The following APBB1IP variants were observed in gnomAD, a reference collection of about 807,000 sequenced individuals.
The protein encoded by APBB1IP is amyloid beta precursor protein binding family B member 1 interacting protein.
In APBB1IP, 27 loss-of-function variants were observed where a neutral mutation model predicts 64.9. That is an observed-to-expected ratio of 0.42 (90% confidence interval 0.31 to 0.57). The LOEUF is 0.57. Ranked by LOEUF, APBB1IP falls within the 20% of genes least tolerant of loss-of-function variation. The pLI is 0.20. For missense variants in APBB1IP, 812 were observed against 845.5 expected (o/e 0.96, Z 0.49); for synonymous variants, 392 against 331.0 (o/e 1.18, Z -2.00).
chr10:26,564,528 C>T (rs1330922711), intron 14 of APBB1IP, among the ~76,000 whole-genome samples: 4 of 152,150 alleles, frequency 2.6e-5, no homozygotes, highest in South Asian at 2.1e-4. Flanking sequence ...ACTGTCCAGA[C>T]ATAGTGGCTC....
chr10:26,458,369 C>CCAAG (rs1835551826), intron 2 of APBB1IP, among the ~76,000 whole-genome samples: 1 of 150,200 alleles, frequency 6.7e-6, no homozygotes, highest in East Asian at 2.0e-4. Context: ...GCCTGGGTGA[C>CCAAG]CAAGCAAGAC....
At chr10:26,465,908 A>G (rs1334018097) in intron 2 of APBB1IP, among the ~76,000 whole-genome samples, 1 of 152,246 alleles carries the variant, frequency 6.6e-6, no homozygotes, top group Non-Finnish European at 1.5e-5. Context: ...TACACTTATC[A>G]ATTTCTGCTC....
chr10:26,503,318 A>G (rs757074279), intron 6 of APBB1IP, 44 bp downstream of exon 6: 3 of 1,593,140 alleles, frequency 1.9e-6, no homozygotes, highest in South Asian at 1.1e-5. Context: ...TCAATTAAGG[A>G]CCTGTGATTA....
chr10:26,556,914 C>T (rs1836901259), intron 11 of APBB1IP, among the ~76,000 whole-genome samples: 1 of 152,110 alleles, frequency 6.6e-6, no homozygotes. Context: ...GGTCAGAGAG[C>T]CGTGTTTCTG....
chr10:26,552,021 A>G (rs368690785), intron 11 of APBB1IP, among the ~76,000 whole-genome samples: 2 of 152,202 alleles, frequency 1.3e-5, no homozygotes, highest in Non-Finnish European at 2.9e-5. Context: ...GGTTCAGGGC[A>G]GGCACAGTGG....
At chr10:26,492,020 C>T (rs538397527) in intron 2 of APBB1IP, among the ~76,000 whole-genome samples, 256 of 152,216 alleles carry the variant, frequency 1.7e-3, no homozygotes, top group Non-Finnish European at 2.5e-3. Context: ...TCTCGGCTTC[C>T]CCTAGTGCTG....
intron 8 of APBB1IP, among the ~76,000 whole-genome samples, chr10:26,516,656 T>A (rs1836335020): frequency 6.6e-6 from 1 of 151,398 alleles, no homozygotes; most frequent in Non-Finnish European, 1.5e-5. Flanking sequence ...AGTGAATGGC[T>A]GTATTCCTCT....
intron 6 of APBB1IP, among the ~76,000 whole-genome samples, chr10:26,508,955 G>T (rs945920218): frequency 1.3e-5 from 2 of 152,176 alleles, no homozygotes; most frequent in Non-Finnish European, 2.9e-5. Flanking sequence ...GCAGGATTGA[G>T]ATGTAGTCAA....
chr10:26,553,310 G>A (rs1454963376), intron 11 of APBB1IP, among the ~76,000 whole-genome samples: 14 of 151,870 alleles, frequency 9.2e-5, no homozygotes, highest in Admixed American at 5.9e-4. Context: ...GTGAGCCACC[G>A]CACCCGGCCT....
chr10:26,448,679 A>T (rs568239178), intron 2 of APBB1IP, among the ~76,000 whole-genome samples: 2 of 152,326 alleles, frequency 1.3e-5, no homozygotes, highest in African/African-American at 2.4e-5. Context: ...TACACCCAGA[A>T]TGCATTATTT....
intron 2 of APBB1IP, among the ~76,000 whole-genome samples, chr10:26,472,593 A>G (rs1227700234): frequency 2.0e-5 from 3 of 151,904 alleles, no homozygotes; most frequent in African/African-American, 7.2e-5. Context: ...TCATTCATTC[A>G]TTCATTCACA....
chr10:26,515,656 TGCTATTGTATAACTAAGAGAAGGAATA>T (rs1308554468), intron 8 of APBB1IP, among the ~76,000 whole-genome samples: 1 of 152,226 alleles, frequency 6.6e-6, no homozygotes, highest in East Asian at 1.9e-4. Flanking sequence ...AACATGGCTA[TGCTATTGTATAACTAAGAGAAGGAATA>T]GCTATTGTAT....
intron 2 of APBB1IP, among the ~76,000 whole-genome samples, chr10:26,476,446 C>CAAAAAAAAAAAAAA (rs58548133): frequency 7.7e-5 from 6 of 78,258 alleles, no homozygotes; most frequent in African/African-American, 2.7e-4. Flanking sequence ...GACCCTGTCT[C>CAAAAAAAAAAAAAA]AAAAAAAAAA....
chr10:26,549,125 A>G (rs898268474), intron 11 of APBB1IP, among the ~76,000 whole-genome samples: 2 of 152,204 alleles, frequency 1.3e-5, no homozygotes, highest in Admixed American at 1.3e-4. Flanking sequence ...GATGTGTCAC[A>G]TTTATTGATT....
At chr10:26,447,796 T>A (rs1468411016) in intron 2 of APBB1IP, among the ~76,000 whole-genome samples, 2 of 152,164 alleles carry the variant, frequency 1.3e-5, no homozygotes, top group African/African-American at 4.8e-5. Flanking sequence ...TCACAGCCAC[T>A]CCCATCCCAT....
chr10:26,449,016 G>T (rs10829001), intron 2 of APBB1IP, among the ~76,000 whole-genome samples: 58,683 of 151,674 alleles, frequency 0.39, 11,478 homozygotes, highest in South Asian at 0.5. Flanking sequence ...CTGTCTTTCA[G>T]GGGAGGGCAG....
At chr10:26,486,844 G>GA (rs1835898522) in intron 2 of APBB1IP, among the ~76,000 whole-genome samples, 1 of 152,156 alleles carries the variant, frequency 6.6e-6, no homozygotes, top group Non-Finnish European at 1.5e-5. Context: ...CTGAAGCCTA[G>GA]AAATATTAAG....
At chr10:26,481,090 A>G (rs574788614) in intron 2 of APBB1IP, among the ~76,000 whole-genome samples, 1 of 152,294 alleles carries the variant, frequency 6.6e-6, no homozygotes, top group Non-Finnish European at 1.5e-5. Context: ...GGAACTTAAA[A>G]TAATCTAGAG....
intron 3 of APBB1IP, among the ~76,000 whole-genome samples, chr10:26,494,705 A>C (rs1366742506): frequency 6.6e-6 from 1 of 152,034 alleles, no homozygotes. Flanking sequence ...GGTGCTTGTA[A>C]TCCCAGCTAC....
Sources: allele counts gnomAD v4.1 joint callset (sites outside exome capture counted in the v4.1 genomes callset), GRCh38; gene constraint gnomAD v4.1.1; transcripts MANE v1.5; gene names NCBI Gene and HGNC (gene_info 2026-07-23, HGNC 2026-07-21).